MGST1: variants seen among roughly 807,000 people sequenced by gnomAD.
MGST1 encodes glutathione S-transferase 12.
In MGST1, 5 loss-of-function variants were observed where a neutral mutation model predicts 8.9. The ratio of observed to expected loss-of-function variants is 0.56; its 90% CI spans 0.29 to 1.19. The LOEUF is 1.19. Among genes scored for constraint, MGST1 ranks in the 50% most tolerant of loss-of-function variants. The pLI, the probability that MGST1 is intolerant of heterozygous loss-of-function variation, is 0.08. For synonymous variants in MGST1, 54 were observed against 67.8 expected (o/e 0.80, Z 1.00); for missense variants, 182 against 187.4 (o/e 0.97, Z 0.17).
At chr12:16,539,784 G>A (rs922157805) in intron 4 of MGST1, among the ~76,000 whole-genome samples, 1 of 152,146 alleles carries the variant, frequency 6.6e-6, no homozygotes, top group Non-Finnish European at 1.5e-5. Flanking sequence ...CTTATATGGA[G>A]CTCAGGGCAT....
At position 16,546,915 on chromosome 12, in the gene MGST1, C is replaced by T. The variant is rs1338644519; in HGVS notation, n.483-42613C>T. 6.6e-6 allele frequency among the ~76,000 whole-genome samples: 1 copy of T among 151,992 alleles called. No individual in the cohort carries two copies. Among genetic ancestry groups the T allele is most frequent in the East Asian group, 1.9e-4 (1 of 5,184 alleles). ...TGGCAATGATCATGCATATTTTAGT[C>T]TTCAGGAAAAGTTACTGAAATTAAA... On this transcript the variant is annotated intron_variant and non_coding_transcript_variant, in intron 4 of 4. Coordinates refer to the MGST1 transcript ENST00000538857. The surrounding 1 kb of genome is among the most constrained non-coding windows in gnomAD (Gnocchi z 4.7).
At chr12:16,591,393 A>G (rs1214314958), downstream of MGST1, among the ~76,000 whole-genome samples, 3 of 151,962 alleles carry the variant, frequency 2.0e-5, no homozygotes, top group Admixed American at 6.6e-5. The surrounding 1 kb of genome is among the most constrained non-coding windows in gnomAD (Gnocchi z 4.1). Context: ...CACACAAACC[A>G]AAATTCTACA....
At position 16,513,379 on chromosome 12, in the gene MGST1, C is replaced by G. The variant is rs552061408; in HGVS notation, n.483-76149C>G. The G allele has an allele frequency of 2.7e-6, 1 of 370,136 alleles. No individual in the cohort carries two copies. Among genetic ancestry groups the G allele is most frequent in the Non-Finnish European group, 5.3e-6 (1 of 190,276 alleles). 22.9% of individuals were successfully genotyped at this position (370,136 alleles called of 1,614,324 possible). ...CCGTCCTGCGTCTGCCCACTGCCCT[C>G]CTACCGTCCACCATGGCTCCTCTGC... On this transcript the variant is annotated intron_variant and non_coding_transcript_variant, in intron 4 of 4. Coordinates refer to the MGST1 transcript ENST00000538857. This position sits in a 1 kb window ranked among gnomAD's most constrained non-coding sequence, Gnocchi z 4.2.
exon 2 of MGST1, chr12:16,437,434 C>A (rs1940996616): frequency 6.6e-6 from 1 of 152,048 alleles, no homozygotes. Flanking sequence ...CCTCTGTGCC[C>A]AGGGTTCAGT....
intron 1 of MGST1, among the ~76,000 whole-genome samples, chr12:16,428,299 T>A (rs1478734198): frequency 6.6e-6 from 1 of 151,932 alleles, no homozygotes; most frequent in Non-Finnish European, 1.5e-5. Flanking sequence ...CTTATAACTT[T>A]GTTTGCAAAT....
At chr12:16,391,100 T>C (rs1176765348) in intron 1 of MGST1, among the ~76,000 whole-genome samples, 1 of 151,948 alleles carries the variant, frequency 6.6e-6, no homozygotes, top group Non-Finnish European at 1.5e-5. Context: ...GCCAGATGTA[T>C]GTCTTCTTTT....
chr12:16,518,524 C>T (rs1039095831), intron 4 of MGST1, among the ~76,000 whole-genome samples: 1 of 152,126 alleles, frequency 6.6e-6, no homozygotes, highest in African/African-American at 2.4e-5. Context: ...AAAATGTTTT[C>T]CTCACTAAAA....
At chr12:16,399,599 T>C in intron 1 of MGST1, 1 of 1,607,306 alleles carries the variant, frequency 6.2e-7, no homozygotes, top group Non-Finnish European at 8.5e-7. Context: ...AAGTCTCATC[T>C]TCAATTTCAG....
chr12:16,400,034 C>G, intron 1 of MGST1: 1 of 1,573,412 alleles, frequency 6.4e-7, no homozygotes, highest in Non-Finnish European at 8.7e-7. Context: ...CTAAAAGGCA[C>G]TTCAAATTCC....
downstream of MGST1, among the ~76,000 whole-genome samples, chr12:16,366,821 G>T (rs1940200692): frequency 6.6e-6 from 1 of 152,056 alleles, no homozygotes; most frequent in Non-Finnish European, 1.5e-5. The surrounding 1 kb of genome is among the most constrained non-coding windows in gnomAD (Gnocchi z 4.0). Flanking sequence ...GCAGTTCAAG[G>T]TCCACTGAAA....
In MGST1 at chr12:16,482,486, C is replaced by T. The variant is rs895071491; in HGVS notation, n.482+98882C>T. ...TCTCTACTAAAAATACAAAAATTAG[C>T]CAGGCGCAGTGGCAGGCGCCTGTAA... On this transcript the variant is annotated intron_variant and non_coding_transcript_variant, in intron 4 of 4. Transcript: ENST00000538857. The surrounding 1 kb of genome is among the most constrained non-coding windows in gnomAD (Gnocchi z 4.2). 2.0e-5 allele frequency among the ~76,000 whole-genome samples: 3 copies of T among 152,024 alleles called. No homozygotes were observed. Among genetic ancestry groups the T allele is most frequent in the Non-Finnish European group, 4.4e-5 (3 of 67,996 alleles).
intron 1 of MGST1, among the ~76,000 whole-genome samples, chr12:16,426,692 C>T (rs1008837212): frequency 6.6e-6 from 1 of 152,152 alleles, no homozygotes; most frequent in Non-Finnish European, 1.5e-5. Flanking sequence ...TGGCTCACGC[C>T]TGTAATCCCA....
In MGST1 at chr12:16,399,889, C is replaced by T. The variant is rs180837886; in HGVS notation, n.778+16285C>T. On this transcript the variant is annotated intron_variant and non_coding_transcript_variant, in intron 1 of 1. Transcript: ENST00000359720. ...CAAAGTTCTTCAGGTGAAACTGGACCGCTCAAAGTAAATCAGCTCTACTTC... is the reference window on the plus strand; with the variant it reads ...CAAAGTTCTTCAGGTGAAACTGGACTGCTCAAAGTAAATCAGCTCTACTTC... 8.6e-4 allele frequency: 1,088 copies of T among 1,259,634 alleles called. 11 individuals carry two copies. The highest frequency in any genetic ancestry group is 6.9e-3 in the African/African-American group (468 of 68,170). The allele number at this position is 1,259,634 out of a possible 1,614,324, so 78.0% of individuals were successfully genotyped here. A position where few individuals can be genotyped will look rare whatever the true frequency, so the allele number is the denominator to read the frequency against.
At chr12:16,531,884 G>C (rs1941726153) in intron 4 of MGST1, among the ~76,000 whole-genome samples, 1 of 152,126 alleles carries the variant, frequency 6.6e-6, no homozygotes, top group Non-Finnish European at 1.5e-5. Context: ...CAGGTGCAGG[G>C]GGGACCACAG....
At chr12:16,535,901 T>A (rs1941754261) in intron 4 of MGST1, among the ~76,000 whole-genome samples, 1 of 152,208 alleles carries the variant, frequency 6.6e-6, no homozygotes, top group African/African-American at 2.4e-5. Context: ...ATTTTAAGTT[T>A]CTTATTCAGA....
chr12:16,385,671 C>T (rs954694224), intron 1 of MGST1, among the ~76,000 whole-genome samples: 5 of 150,646 alleles, frequency 3.3e-5, no homozygotes, highest in Non-Finnish European at 5.9e-5. Flanking sequence ...AGGAGAAGCC[C>T]GTCTCTTTTC....
chr12:16,496,476 A>G (rs1031271979), intron 4 of MGST1, among the ~76,000 whole-genome samples: 2 of 152,106 alleles, frequency 1.3e-5, no homozygotes, highest in South Asian at 2.1e-4. Flanking sequence ...TAAGTTTTTG[A>G]AATGATTTAA....
In MGST1 at chr12:16,401,520, A is replaced by G; in HGVS notation, n.778+17916A>G. ...CTTGAAGCTGGAGTAAAAAGTTGTA[A>G]TTTTCTTGAACTTCCTGAGGAGGAT... On this transcript the variant is annotated intron_variant and non_coding_transcript_variant, in intron 1 of 1. Transcript: ENST00000359720. The surrounding 1 kb of genome is among the most constrained non-coding windows in gnomAD (Gnocchi z 4.3). The G allele has an allele frequency of 2.1e-6, 2 of 946,582 alleles. No homozygotes were observed. Among genetic ancestry groups the G allele is most frequent in the Non-Finnish European group, 3.4e-6 (2 of 585,080 alleles). 58.6% of individuals were successfully genotyped at this position (946,582 alleles called of 1,614,324 possible).
At chr12:16,474,198 G>A (rs1941306155) in intron 4 of MGST1, among the ~76,000 whole-genome samples, 1 of 152,164 alleles carries the variant, frequency 6.6e-6, no homozygotes, top group East Asian at 1.9e-4. Flanking sequence ...GCTTAACATT[G>A]TGTTTTGTTT....
Sources: gnomAD v4.1 joint callset for allele counts (sites outside exome capture counted in the v4.1 genomes callset) on GRCh38, gnomAD v4.1.1 for gene constraint, Gnocchi (gnomAD v3.1) non-coding constraint, MANE v1.5 for transcripts, NCBI Gene and HGNC (gene_info 2026-07-23, HGNC 2026-07-21) for gene names.